CNTN3: variants seen among roughly 807,000 people sequenced by gnomAD.
The protein encoded by CNTN3 is contactin 3.
In CNTN3, 60 loss-of-function variants were observed where a neutral mutation model predicts 119.1. That is an observed-to-expected ratio of 0.50 (90% CI 0.41 to 0.62). CNTN3 has a LOEUF of 0.62. Among genes scored for constraint, CNTN3 ranks in the 20% least tolerant of loss-of-function variants. The pLI is 0.00. For missense variants in CNTN3, 1,101 were observed against 1,242.4 expected (o/e 0.89, Z 1.71); for synonymous variants, 450 against 438.7 (o/e 1.03, Z -0.32).
At chr3:74,519,088 G>C (rs1246867755) in intron 2 of CNTN3, among the ~76,000 whole-genome samples, 1 of 151,686 alleles carries the variant, frequency 6.6e-6, no homozygotes, top group Non-Finnish European at 1.5e-5. Context: ...TATGGACATA[G>C]GCCTCCACTG....
chr3:74,535,057 T>C (rs1347043543), intron 1 of CNTN3, among the ~76,000 whole-genome samples: 1 of 152,058 alleles, frequency 6.6e-6, no homozygotes, highest in Non-Finnish European at 1.5e-5. Context: ...AAGTCTTAAA[T>C]AAAGCATGGA....
intron 19 of CNTN3, among the ~76,000 whole-genome samples, chr3:74,285,788 G>GAT (rs1702098983): frequency 1.2e-5 from 1 of 84,632 alleles, no homozygotes; most frequent in Admixed American, 1.5e-4. Context: ...GAATGAAGGG[G>GAT]AGATATATAT....
chr3:74,288,773 C>T (rs1055964101), intron 19 of CNTN3, among the ~76,000 whole-genome samples: 1 of 152,182 alleles, frequency 6.6e-6, no homozygotes, highest in African/African-American at 2.4e-5. Context: ...TTTCATTCCT[C>T]AGGCACCCAG....
At chr3:74,589,461 G>A (rs1185411974) in intron 1 of CNTN3, among the ~76,000 whole-genome samples, 36 of 144,604 alleles carry the variant, frequency 2.5e-4, no homozygotes, top group Middle Eastern at 3.4e-3. Flanking sequence ...GAAACAACAG[G>A]TGCTGGAGAG....
chr3:74,559,843 C>G (rs1416691758), intron 1 of CNTN3, among the ~76,000 whole-genome samples: 1 of 152,010 alleles, frequency 6.6e-6, no homozygotes, highest in Non-Finnish European at 1.5e-5. Flanking sequence ...ATTTCAGTGA[C>G]CGATAACCAG....
intron 3 of CNTN3, among the ~76,000 whole-genome samples, chr3:74,498,989 C>T (rs1486891299): frequency 6.6e-6 from 1 of 151,740 alleles, no homozygotes; most frequent in Non-Finnish European, 1.5e-5. Flanking sequence ...TACAAATACC[C>T]ATCTGATCCA....
At chr3:74,501,170 T>C (rs1703160228) in intron 2 of CNTN3, among the ~76,000 whole-genome samples, 1 of 151,172 alleles carries the variant, frequency 6.6e-6, no homozygotes, top group Admixed American at 6.7e-5. Flanking sequence ...CCACACCCAA[T>C]AGTCTTGCCT....
intron 1 of CNTN3, among the ~76,000 whole-genome samples, chr3:74,575,533 AG>A (rs1468923614): frequency 5.3e-5 from 8 of 151,516 alleles, no homozygotes; most frequent in Middle Eastern, 3.4e-3. Context: ...TACAGGTGTG[AG>A]CCACCGCACC....
At chr3:74,324,128 A>G (rs1703071362) in intron 13 of CNTN3, among the ~76,000 whole-genome samples, 1 of 152,160 alleles carries the variant, frequency 6.6e-6, no homozygotes, top group African/African-American at 2.4e-5. Flanking sequence ...ATATTTTTCA[A>G]TATGAATTCC....
At chr3:74,396,174 AAAG>A (rs1332211270) in intron 5 of CNTN3, among the ~76,000 whole-genome samples, 1 of 152,200 alleles carries the variant, frequency 6.6e-6, no homozygotes, top group Non-Finnish European at 1.5e-5. Context: ...GTTCAAGTGA[AAAG>A]AAGAGTACTT....
chr3:74,534,769 C>T (rs563771948), intron 1 of CNTN3, among the ~76,000 whole-genome samples: 3 of 152,016 alleles, frequency 2.0e-5, no homozygotes, highest in South Asian at 2.1e-4. Context: ...ATGATATATA[C>T]ATATGTAGTC....
intron 5 of CNTN3, among the ~76,000 whole-genome samples, chr3:74,419,581 T>C (rs1364583613): frequency 6.6e-6 from 1 of 152,208 alleles, no homozygotes; most frequent in Non-Finnish European, 1.5e-5. Flanking sequence ...AAGGGCTATG[T>C]TGTTATAATA....
At chr3:74,548,694 T>A (rs190530710) in intron 1 of CNTN3, among the ~76,000 whole-genome samples, 1 of 152,178 alleles carries the variant, frequency 6.6e-6, no homozygotes, top group Non-Finnish European at 1.5e-5. Flanking sequence ...AACATTATAA[T>A]TGAAACAACA....
intron 4 of CNTN3, among the ~76,000 whole-genome samples, chr3:74,485,168 A>G (rs1159589904): frequency 6.6e-6 from 1 of 151,944 alleles, no homozygotes; most frequent in African/African-American, 2.4e-5. Flanking sequence ...CATTAAAATA[A>G]CATAATTTAA....
At chr3:74,444,574 C>G (rs151309232) in intron 4 of CNTN3, among the ~76,000 whole-genome samples, 216 of 151,752 alleles carry the variant, frequency 1.4e-3, no homozygotes, top group African/African-American at 4.9e-3. Flanking sequence ...TTTTAATGTC[C>G]AACAATGCTA....
intron 13 of CNTN3, among the ~76,000 whole-genome samples, chr3:74,308,808 T>G (rs968375318): frequency 5.3e-5 from 8 of 152,190 alleles, no homozygotes; most frequent in African/African-American, 1.9e-4. Context: ...TAATTTTTCT[T>G]AAACTGATTA....
chr3:74,517,147 AC>A (rs1221885355), intron 2 of CNTN3, among the ~76,000 whole-genome samples: 25 of 151,980 alleles, frequency 1.6e-4, no homozygotes, highest in African/African-American at 5.5e-4. Flanking sequence ...TAGGAGAGGG[AC>A]CTGTAACCTC....
intron 4 of CNTN3, among the ~76,000 whole-genome samples, chr3:74,449,503 C>A (rs79971414): frequency 1.3e-5 from 2 of 151,960 alleles, no homozygotes; most frequent in Non-Finnish European, 2.9e-5. Context: ...AATTTCCAGG[C>A]CCCAGTCCTA....
At chr3:74,476,971 G>A (rs1453290787) in intron 4 of CNTN3, among the ~76,000 whole-genome samples, 1 of 152,028 alleles carries the variant, frequency 6.6e-6, no homozygotes, top group Non-Finnish European at 1.5e-5. Flanking sequence ...CACTCAAAAG[G>A]AAAACCAGGA....
Sources: allele counts gnomAD v4.1 joint callset (sites outside exome capture counted in the v4.1 genomes callset), GRCh38; gene constraint gnomAD v4.1.1; transcripts MANE v1.5; gene names NCBI Gene and HGNC (gene_info 2026-07-23, HGNC 2026-07-21).